DNAJC27: variants seen among roughly 807,000 people sequenced by gnomAD.
The protein encoded by DNAJC27 is dnaJ homolog subfamily C member 27.
In DNAJC27, 25 loss-of-function variants were observed where a neutral mutation model predicts 31.4. The observed-to-expected ratio is 0.80, with a 90% CI of 0.58 to 1.11. The LOEUF (loss-of-function observed/expected upper bound fraction) is 1.11, where lower values mean the gene tolerates loss of function less well. Among genes scored for constraint, DNAJC27 ranks in the 50% most tolerant of loss-of-function variants. The probability of loss-of-function intolerance (pLI) is 0.00; values close to 1 mark genes in which losing one functional copy is unlikely to be tolerated. For synonymous variants in DNAJC27, 106 were observed against 112.7 expected, an observed-to-expected ratio of 0.94 and a Z score of 0.37; for missense variants, 356 against 347.3, an observed-to-expected ratio of 1.02 and a Z score of -0.20.
chr2:24,950,096 GAA>G (rs765039220), intron 6 of DNAJC27, among the ~76,000 whole-genome samples: 6 of 132,058 alleles, frequency 4.5e-5, no homozygotes, highest in African/African-American at 2.8e-5. Flanking sequence ...GTATAGCACT[GAA>G]AAAAAAAAAA....
At chr2:24,962,216 C>CT (rs1558554908) in intron 3 of DNAJC27, among the ~76,000 whole-genome samples, 1 of 53,542 alleles carries the variant, frequency 1.9e-5, no homozygotes, top group Non-Finnish European at 4.0e-5. Flanking sequence ...TACTTTTTTT[C>CT]TTTTGTTTTT....
intron 1 of DNAJC27, among the ~76,000 whole-genome samples, chr2:24,969,907 A>G (rs1002003828): frequency 2.7e-5 from 4 of 149,024 alleles, no homozygotes; most frequent in African/African-American, 5.1e-5. Flanking sequence ...ATGTTCTGGG[A>G]AAAAAAAACC....
intron 5 of DNAJC27, among the ~76,000 whole-genome samples, chr2:24,954,805 C>T (rs886601794): frequency 5.3e-5 from 8 of 152,086 alleles, no homozygotes; most frequent in South Asian, 2.1e-4. Flanking sequence ...GGCATGGTGG[C>T]GGGCACCTGT....
intron 2 of DNAJC27, among the ~76,000 whole-genome samples, chr2:24,963,780 A>T (rs772694840): frequency 5.9e-5 from 9 of 152,264 alleles, no homozygotes; most frequent in Non-Finnish European, 1.3e-4. Context: ...TATGGTATTA[A>T]GAAAAATTGA....
chr2:24,954,518 T>A (rs1665858300), intron 5 of DNAJC27, among the ~76,000 whole-genome samples: 1 of 152,218 alleles, frequency 6.6e-6, no homozygotes, highest in Admixed American at 6.5e-5. Flanking sequence ...GGAAACACTT[T>A]GAACTTCCTT....
chr2:24,970,186 TA>T (rs1666292530), intron 1 of DNAJC27, among the ~76,000 whole-genome samples: 1 of 152,238 alleles, frequency 6.6e-6, no homozygotes, highest in Non-Finnish European at 1.5e-5. Context: ...TTGGACACAA[TA>T]AAGTTATTAA....
At chr2:24,960,302 T>C (rs1038638462) in intron 3 of DNAJC27, among the ~76,000 whole-genome samples, 83 of 152,226 alleles carry the variant, frequency 5.5e-4, no homozygotes, top group African/African-American at 1.9e-3. Flanking sequence ...TAATAAATGT[T>C]GTCTATATTC....
At chr2:24,967,114 A>G in intron 2 of DNAJC27, 97 bp downstream of exon 2, 1 of 885,082 alleles carries the variant, frequency 1.1e-6, no homozygotes, top group Non-Finnish European at 1.8e-6. Flanking sequence ...CTCCATTTCA[A>G]GATTACCTAC....
At chr2:24,954,844 G>T (rs565788119) in intron 5 of DNAJC27, among the ~76,000 whole-genome samples, 25 of 152,316 alleles carry the variant, frequency 1.6e-4, no homozygotes, top group African/African-American at 5.8e-4. Context: ...GCTGAGGCAG[G>T]AGAATGGCAT....
chr2:24,958,472 C>G (rs1665962503), intron 3 of DNAJC27: 1 of 244,262 alleles, frequency 4.1e-6, no homozygotes, highest in Non-Finnish European at 9.1e-6. Flanking sequence ...ACTCCAAACT[C>G]AGAGCCTCAG....
chr2:24,955,959 G>T (rs1665894526), intron 5 of DNAJC27, among the ~76,000 whole-genome samples: 1 of 152,212 alleles, frequency 6.6e-6, no homozygotes, highest in Non-Finnish European at 1.5e-5. Context: ...TATTCAAATG[G>T]TTAGGTATCA....
rs1666347714 is a variant in DNAJC27 at position 24,971,798 on chromosome 2, TCCCGG to T, written c.87+15_87+19del. ...GCCCCGCCACGCTGGGGCCCGCCCC[TCCCGG>T]CTCGCTGTACTCACTTTCCCCACTT... On this transcript the variant is annotated intron_variant, in intron 1 of 6. Transcript: ENST00000264711. 1.3e-6 allele frequency: 2 copies of T among 1,591,914 alleles called. No individual in the cohort carries two copies. Among genetic ancestry groups the T allele is most frequent in the East Asian group, 4.7e-5 (2 of 42,886 alleles).
chr2:24,958,480 C>T, intron 3 of DNAJC27: 1 of 268,104 alleles, frequency 3.7e-6, no homozygotes, highest in Non-Finnish European at 8.2e-6. Context: ...CTCAGAGCCT[C>T]AGTGTGATAC....
At chr2:24,967,117 T>C (rs1666204112) in intron 2 of DNAJC27, 94 bp downstream of exon 2, 1 of 901,054 alleles carries the variant, frequency 1.1e-6, no homozygotes, top group African/African-American at 1.7e-5. Context: ...CATTTCAAGA[T>C]TACCTACACA....
In DNAJC27 at chr2:24,971,922, G is replaced by T. The variant is rs553041269; in HGVS notation, c.-18C>A. On this transcript the variant is annotated 5_prime_UTR_variant, in exon 1 of 7. Coordinates refer to ENST00000264711, the MANE Select transcript of DNAJC27 (RefSeq NM_016544.3). The stretch of plus-strand genomic sequence containing the variant: ...GCCTCCATGGCCCTGGCTCTCTCGG[G>T]GCCACCCGCCTCGGTCTCTTCTTGT... 6.8e-5 allele frequency: 106 copies of T among 1,559,890 alleles called. No homozygotes were observed. The South Asian group carries it at 1.0e-3, about 15-fold the overall frequency.
intron 2 of DNAJC27, among the ~76,000 whole-genome samples, chr2:24,966,180 T>C (rs1666175579): frequency 6.6e-6 from 1 of 152,134 alleles, no homozygotes. Flanking sequence ...CTGTTCCAAG[T>C]GGACAGGCTG....
At chr2:24,958,612 G>T (rs1300001655) in intron 3 of DNAJC27, 1 of 398,388 alleles carries the variant, frequency 2.5e-6, no homozygotes. Flanking sequence ...CTGTAAAATG[G>T]GGATAATACT....
At chr2:24,971,050 C>T (rs1418093056) in intron 1 of DNAJC27, among the ~76,000 whole-genome samples, 3 of 152,118 alleles carry the variant, frequency 2.0e-5, no homozygotes, top group Non-Finnish European at 4.4e-5. Flanking sequence ...ATTTGATGAC[C>T]TTGGGAAGTT....
chr2:24,967,031 T>C (rs2149131108), intron 2 of DNAJC27, among the ~76,000 whole-genome samples, 180 bp downstream of exon 2: 1 of 152,358 alleles, frequency 6.6e-6, no homozygotes, highest in South Asian at 2.1e-4. Context: ...ATACACAGGC[T>C]GAATGAATGA....
Sources: gnomAD v4.1 joint callset for allele counts (sites outside exome capture counted in the v4.1 genomes callset) on GRCh38, gnomAD v4.1.1 for gene constraint, MANE v1.5 for transcripts, NCBI Gene and HGNC (gene_info 2026-07-23, HGNC 2026-07-21) for gene names.